Variants in RYR1 observed in about 807,000 individuals in gnomAD.
RYR1 encodes the protein central core disease of muscle.
A neutral mutation model predicts 583.5 loss-of-function variants in RYR1; 342 were observed. The observed-to-expected ratio is 0.59, with a 90% confidence interval of 0.54 to 0.64. RYR1 has a LOEUF of 0.64. RYR1 is among the 30% of genes least tolerant of loss of function. RYR1 has a pLI of 0.00. For synonymous variants in RYR1, 2,791 were observed against 2,822.5 expected (o/e 0.99, Z 0.35); for missense variants, 6,032 against 6,917.2 (o/e 0.87, Z 4.54).
At chr19:38,570,981 G>A (rs538856601) in intron 94 of RYR1, among the ~76,000 whole-genome samples, 3 of 152,352 alleles carry the variant, frequency 2.0e-5, no homozygotes, top group South Asian at 2.1e-4. Flanking sequence ...AGTCCTGTGC[G>A]CCTGGGTGCA....
chr19:38,556,077 T>C (rs1336762133), intron 89 of RYR1, among the ~76,000 whole-genome samples: 1 of 152,094 alleles, frequency 6.6e-6, no homozygotes, highest in Admixed American at 6.5e-5. Context: ...TTGGCCAGGG[T>C]AGTCTCAAAC....
At chr19:38,494,268 C>T in intron 38 of RYR1, 84 bp from the exon 39 acceptor site, 1 of 1,564,964 alleles carries the variant, frequency 6.4e-7, no homozygotes. Context: ...AACAGGGGGC[C>T]CCTTCCACAT....
chr19:38,441,950 A>T (rs1178814259), intron 2 of RYR1, among the ~76,000 whole-genome samples: 1 of 150,900 alleles, frequency 6.6e-6, no homozygotes, highest in Non-Finnish European at 1.5e-5. Context: ...GGTTGGAGGG[A>T]TGTGGGGTCA....
chr19:38,539,763 A>G (rs942966978), intron 84 of RYR1, among the ~76,000 whole-genome samples: 6 of 152,202 alleles, frequency 3.9e-5, no homozygotes, highest in Non-Finnish European at 8.8e-5. Flanking sequence ...GCATGTCTTG[A>G]GGAGTCAGTG....
At position 38,521,943 on chromosome 19, in the gene RYR1, C is replaced by T. The variant is rs190306333; in HGVS notation, c.10260-1085C>T. ...CAGGATGGTCTCGATCTCCTGACCTCGTGATCTGCCCGCCTCGGCCTCCCA... is the reference window on the plus strand; with the variant it reads ...CAGGATGGTCTCGATCTCCTGACCTTGTGATCTGCCCGCCTCGGCCTCCCA... On this transcript the variant is annotated intron_variant, in intron 67 of 105. Transcript: ENST00000359596. Among the ~76,000 whole-genome samples the T allele has an allele frequency of 8.4e-3, 1,282 of 151,880 alleles. 14 individuals are homozygous for T. Among genetic ancestry groups the T allele is most frequent in the Middle Eastern group, 0.017 (5 of 294 alleles).
chr19:38,535,810 G>GTTCA (rs1971937860), intron 81 of RYR1, 187 bp from the exon 82 acceptor site: 1 of 685,324 alleles, frequency 1.5e-6, no homozygotes, highest in Non-Finnish European at 2.7e-6. Flanking sequence ...CTTGCGCATG[G>GTTCA]TTCATCCTGG....
intron 92 of RYR1, among the ~76,000 whole-genome samples, chr19:38,567,461 C>T (rs1235409254): frequency 6.6e-6 from 1 of 152,220 alleles, no homozygotes; most frequent in Non-Finnish European, 1.5e-5. Flanking sequence ...CTTTCCAATT[C>T]TCCAGGACAC....
chr19:38,568,402 C>T (rs2145857174), intron 93 of RYR1, among the ~76,000 whole-genome samples: 1 of 152,072 alleles, frequency 6.6e-6, no homozygotes, highest in East Asian at 1.9e-4. Context: ...TCCCAGGGTT[C>T]CCTCCATCCT....
chr19:38,547,636 AAGT>A (rs1972489276), intron 88 of RYR1, among the ~76,000 whole-genome samples: 1 of 151,858 alleles, frequency 6.6e-6, no homozygotes, highest in South Asian at 2.1e-4. Flanking sequence ...CTCTTCCTAA[AAGT>A]AGAGTCACAC....
intron 11 of RYR1, among the ~76,000 whole-genome samples, chr19:38,450,651 A>C (rs1967024899): frequency 6.6e-6 from 1 of 152,134 alleles, no homozygotes; most frequent in Admixed American, 6.6e-5. Context: ...TGGTTGGACC[A>C]GTTGTGCCAT....
Position 38,451,900 on chromosome 19 carries a change from C to A in RYR1, c.1244+15C>A. 6.2e-7 allele frequency: 1 copy of A among 1,614,060 alleles called. No homozygotes were observed. ...CAGTTCATCAAGTGAGCAACCTGCCCTCCCTGCTGGGGTGACTCCTGTGCT... is the reference window on the plus strand; with the variant it reads ...CAGTTCATCAAGTGAGCAACCTGCCATCCCTGCTGGGGTGACTCCTGTGCT... On this transcript the variant is annotated intron_variant, in intron 12 of 105. Transcript: ENST00000359596.
intron 34 of RYR1, among the ~76,000 whole-genome samples, chr19:38,487,753 C>T (rs1444097852): frequency 6.6e-6 from 1 of 152,212 alleles, no homozygotes; most frequent in Non-Finnish European, 1.5e-5. Context: ...TCTGCCTCAG[C>T]CTCCTGAATA....
At chr19:38,490,378 T>C (rs1969500399) in intron 36 of RYR1, 102 bp downstream of exon 36, 2 of 1,132,148 alleles carry the variant, frequency 1.8e-6, no homozygotes, top group Non-Finnish European at 2.6e-6. Flanking sequence ...AACCCGTGCT[T>C]GACCCCTGAC....
chr19:38,505,991 G>A (rs1970430573), intron 54 of RYR1, 45 bp downstream of exon 54: 2 of 1,597,326 alleles, frequency 1.3e-6, no homozygotes, highest in Non-Finnish European at 1.7e-6. Flanking sequence ...GATGGGGGGA[G>A]GGTCTAGAAC....
chr19:38,470,458 A>G (rs1264355160), intron 27 of RYR1, among the ~76,000 whole-genome samples: 1 of 148,298 alleles, frequency 6.7e-6, no homozygotes, highest in African/African-American at 2.5e-5. Flanking sequence ...AAAAAAAAAG[A>G]GCTGGGCATG....
chr19:38,578,568 T>C (rs1974060598), intron 99 of RYR1, among the ~76,000 whole-genome samples: 1 of 152,148 alleles, frequency 6.6e-6, no homozygotes, highest in Admixed American at 6.6e-5. Context: ...CGTGCTGGCT[T>C]ACGCCTGTAG....
At chr19:38,447,676 C>T (rs780515926) in intron 9 of RYR1, among the ~76,000 whole-genome samples, 10 of 151,248 alleles carry the variant, frequency 6.6e-5, no homozygotes, top group Non-Finnish European at 1.3e-4. Context: ...ACCCCGTCTC[C>T]ACTAAAAATA....
intron 23 of RYR1, among the ~76,000 whole-genome samples, chr19:38,464,980 G>A (rs1968017155): frequency 6.6e-6 from 1 of 152,076 alleles, no homozygotes. Flanking sequence ...TAGAGTCAGG[G>A]AAAATGAGAG....
chr19:38,507,918 C>T (rs1199549155), intron 58 of RYR1, 91 bp downstream of exon 58: 8 of 775,078 alleles, frequency 1.0e-5, no homozygotes, highest in Admixed American at 9.4e-5. Flanking sequence ...TTCATGCACT[C>T]AATCCGTCCT....
Sources: allele counts gnomAD v4.1 joint callset (sites outside exome capture counted in the v4.1 genomes callset), GRCh38; gene constraint gnomAD v4.1.1; transcripts MANE v1.5; gene names NCBI Gene and HGNC (gene_info 2026-07-23, HGNC 2026-07-21).